Variants in NOL9 observed in about 807,000 individuals in gnomAD.
NOL9 encodes nucleolar protein 9.
Under a neutral mutation model 67.9 loss-of-function variants are expected in NOL9, and 28 were observed. The ratio of observed to expected loss-of-function variants is 0.41; its 90% CI spans 0.31 to 0.57. The LOEUF (loss-of-function observed/expected upper bound fraction) is 0.57, where lower values mean the gene tolerates loss of function less well. NOL9 is among the 20% of genes least tolerant of loss of function. The pLI, the probability that NOL9 is intolerant of heterozygous loss-of-function variation, is 0.25. For synonymous variants in NOL9, 356 were observed against 352.2 expected, an observed-to-expected ratio of 1.01 and a Z score of -0.12; for missense variants, 777 against 897.0, an observed-to-expected ratio of 0.87 and a Z score of 1.71.
chr1:6,550,509 A>G lies in NOL9; in HGVS notation c.503T>C (p.Val168Ala). 1 of 1,614,130 alleles carries G rather than the reference A, an allele frequency of 6.2e-7. No homozygotes were observed. The highest frequency in any genetic ancestry group is 2.2e-5 in the East Asian group (1 of 44,878). Residue 168 changes from valine to alanine, a missense_variant, in exon 2 of 12, where the codon GTG becomes GCG. Physicochemically the swap from Val to Ala is moderately conservative, Grantham distance 64. Around this residue, in one of 2 missense-constraint regions of NOL9, gnomAD observed 364 missense variants for 344.4 expected, o/e 1.06. Transcript: ENST00000377705. The part of the protein sequence containing the change: ...QGQPAQDIFS[V>A]YTHSCLSIHA... ...GATACTCAAGCAAGAGTGGGTATAC[A>G]CAGAGAAGATGTCTTGGGCAGGCTG...
intron 5 of NOL9, among the ~76,000 whole-genome samples, chr1:6,544,543 A>ACC (rs33922236): frequency 0.22 from 4,980 of 23,032 alleles, 220 homozygotes; most frequent in South Asian, 0.34. Flanking sequence ...GCACACACGC[A>ACC]CCCCCCCCCC....
chr1:6,543,897 G>A (rs534161910), intron 5 of NOL9, among the ~76,000 whole-genome samples: 38 of 151,980 alleles, frequency 2.5e-4, no homozygotes, highest in African/African-American at 7.7e-4. Flanking sequence ...AGGCTAAGGC[G>A]GGCAGATAAC....
rs1639613697 is a variant in NOL9 at position 6,554,189 on chromosome 1, G to A, written c.314C>T (p.Ser105Leu). ...PESEPELESA[S>L]SCHRPLLIPP... ...GATGAGGAGAGGCCGGTGGCAACTC[G>A]AGGCGGATTCGAGTTCGGGTTCGGA... Residue 105 changes from serine (S) to leucine (L), a missense_variant, in exon 1 of 12, where the codon TCG (serine) becomes TTG (leucine). Ser to Leu is a moderately radical substitution (Grantham distance 145). Coordinates refer to ENST00000377705, the MANE Select transcript of NOL9 (RefSeq NM_024654.5). The A allele has an allele frequency of 3.3e-6, 5 of 1,522,386 alleles. No homozygotes were observed. The highest frequency in any genetic ancestry group is 2.1e-4 in the Middle Eastern group (1 of 4,740). The allele number at this position is 1,522,386 out of a possible 1,614,324, so 94.3% of individuals were successfully genotyped here.
intron 10 of NOL9, among the ~76,000 whole-genome samples, chr1:6,528,429 C>T (rs1638939405): frequency 6.6e-6 from 1 of 152,206 alleles, no homozygotes; most frequent in Non-Finnish European, 1.5e-5. Context: ...AGAGAGAAGC[C>T]ACCAGACCAT....
rs1638812121 is a variant in NOL9 at position 6,523,337 on chromosome 1, T to A, written c.*2517A>T. On this transcript the variant is annotated 3_prime_UTR_variant, in exon 12 of 12. Coordinates refer to ENST00000377705, the MANE Select transcript of NOL9 (RefSeq NM_024654.5). Reference sequence around the variant, plus strand: ...GCTCATGCCTGTAATCCCAACACTTTGGGAGGCCAAGGCAGGTGGATCACC... The same window carrying A: ...GCTCATGCCTGTAATCCCAACACTTAGGGAGGCCAAGGCAGGTGGATCACC... 1 of 151,976 alleles carries A rather than the reference T, an allele frequency of 6.6e-6. No individual in the cohort carries two copies. Among genetic ancestry groups the A allele is most frequent in the Non-Finnish European group, 1.5e-5 (1 of 68,052 alleles). The allele number at this position is 151,976 out of a possible 1,614,324, so 9.4% of individuals were successfully genotyped here.
intron 3 of NOL9, among the ~76,000 whole-genome samples, chr1:6,546,548 C>T (rs6679649): frequency 0.17 from 26,428 of 152,040 alleles, 2,757 homozygotes; most frequent in African/African-American, 0.29. Context: ...CAGAGGACAA[C>T]TTCTACTTCC....
At position 6,541,919 on chromosome 1, in the gene NOL9, C is replaced by G. The variant is rs1215804213; in HGVS notation, c.986G>C (p.Cys329Ser). The change falls in exon 6 of 12, where the codon TGC becomes TCC. Residue 329 changes from cysteine to serine, a missense_variant. Physicochemically the swap from Cys to Ser is moderately radical, Grantham distance 112 (BLOSUM62 -1). Coordinates refer to ENST00000377705, the MANE Select transcript of NOL9 (RefSeq NM_024654.5). ...CAGATCACATTCCAAATAGTCAACGCAGGGAAGACTGCAAATTTTTAAAAA... is the reference window on the plus strand; with the variant it reads ...CAGATCACATTCCAAATAGTCAACGGAGGGAAGACTGCAAATTTTTAAAAA... Reference protein sequence around the residue: ...LINHLLNSLPCVDYLECDLGQ... With the variant: ...LINHLLNSLPSVDYLECDLGQ... 1.3e-6 allele frequency: 2 copies of G among 1,583,788 alleles called. No homozygotes were observed. The highest frequency in any genetic ancestry group is 1.7e-4 in the Middle Eastern group (1 of 5,946).
Position 6,545,126 on chromosome 1 carries a change from T to G in NOL9, c.799A>C (p.Arg267=). 1.2e-6 allele frequency: 2 copies of G among 1,614,216 alleles called. No homozygotes were observed. The highest frequency in any genetic ancestry group is 1.7e-6 in the Non-Finnish European group (2 of 1,180,020). ...EYLALRSVGI[R]REKKRKGLQL... is the part of the protein sequence containing the mutation. ...AGGCCTTTCCTTTTTTTCTCTCTTCTGATGCCAACAGACCTCAAGGCTAAA... is the reference window on the plus strand; with the variant it reads ...AGGCCTTTCCTTTTTTTCTCTCTTCGGATGCCAACAGACCTCAAGGCTAAA... Residue 267 remains arginine (R), a synonymous_variant, in exon 4 of 12, where the codon AGA becomes CGA. Transcript: ENST00000377705.
At chr1:6,544,777 A>G in intron 5 of NOL9, 49 bp downstream of exon 5, 3 of 1,592,448 alleles carry the variant, frequency 1.9e-6, no homozygotes, top group Admixed American at 1.7e-5. Flanking sequence ...ATCCCACTTC[A>G]TGACAAAAAC....
At chr1:6,545,277 A>G in intron 3 of NOL9, 97 bp from the exon 4 acceptor site, 1 of 1,276,900 alleles carries the variant, frequency 7.8e-7, no homozygotes, top group South Asian at 1.4e-5. Context: ...GCCAGAGAAG[A>G]TAAATTGTTT....
chr1:6,544,544 C>CGCACGCACGCACGCACGCACGCACGCACA (rs61278197), intron 5 of NOL9, among the ~76,000 whole-genome samples: 1 of 118,666 alleles, frequency 8.4e-6, no homozygotes, highest in Non-Finnish European at 1.6e-5. Flanking sequence ...CACACACGCA[C>CGCACGCACGCACGCACGCACGCACGCACA]CCCCCCCCCG....
chr1:6,525,931 T>G lies in NOL9; in HGVS notation c.2032A>C (p.Ile678Leu). ...NFKLPGASEK[I>L]GAREPEEAHK... The stretch of plus-strand genomic sequence containing the variant: ...GCCTCCTCAGGTTCTCTTGCTCCAA[T>G]TTTCTCTGATGCTCCAGGAAGTTTA... Residue 678 changes from isoleucine to leucine, a missense_variant, in exon 12 of 12, where the codon ATT (isoleucine) becomes CTT (leucine). Physicochemically the swap from Ile to Leu is conservative, Grantham distance 5. This residue lies in a region of NOL9 where 413 missense variants were observed against 552.6 expected (regional missense o/e 0.75). Transcript: ENST00000377705. 6.2e-7 allele frequency: 1 copy of G among 1,614,118 alleles called. No homozygotes were observed. Among genetic ancestry groups the G allele is most frequent in the East Asian group, 2.2e-5 (1 of 44,880 alleles).
intron 6 of NOL9, among the ~76,000 whole-genome samples, chr1:6,538,786 C>T (rs929812693): frequency 6.6e-6 from 1 of 152,112 alleles, no homozygotes; most frequent in Non-Finnish European, 1.5e-5. Flanking sequence ...AGTTCGAGAC[C>T]AGCCTGGCCA....
chr1:6,530,053 A>T (rs4908905), intron 9 of NOL9, among the ~76,000 whole-genome samples: 1 of 152,228 alleles, frequency 6.6e-6, no homozygotes, highest in Non-Finnish European at 1.5e-5. Context: ...TTGAACCCAC[A>T]AAGTGGAGAT....
At chr1:6,542,006 G>C (rs901922448) in intron 5 of NOL9, 79 bp from the exon 6 acceptor site, 29 of 837,654 alleles carry the variant, frequency 3.5e-5, no homozygotes, top group Non-Finnish European at 5.0e-5. Flanking sequence ...ACACAGTAAA[G>C]ATTTCATGTG....
At position 6,522,441 on chromosome 1, in the gene NOL9, T is replaced by C. The variant is rs1638790845; in HGVS notation, c.*3413A>G. The C allele has an allele frequency of 1.3e-5, 2 of 151,830 alleles. No individual in the cohort carries two copies. 9.4% of individuals were successfully genotyped at this position (151,830 alleles called of 1,614,324 possible). On this transcript the variant is annotated 3_prime_UTR_variant, in exon 12 of 12. Transcript: ENST00000377705. Reference sequence around the variant, plus strand: ...GGCAGGCGCCTGTAATCCCAGCTACTTGGGAGGCTGAAGCAGGAGAATCGC... The same window carrying C: ...GGCAGGCGCCTGTAATCCCAGCTACCTGGGAGGCTGAAGCAGGAGAATCGC...
chr1:6,547,572 G>A (rs1220735476), intron 3 of NOL9, among the ~76,000 whole-genome samples: 1 of 151,640 alleles, frequency 6.6e-6, no homozygotes, highest in Non-Finnish European at 1.5e-5. Context: ...CAAAAATTTA[G>A]AGGTGAGGCC....
At chr1:6,528,428 C>A (rs973489220) in intron 10 of NOL9, among the ~76,000 whole-genome samples, 5 of 152,278 alleles carry the variant, frequency 3.3e-5, no homozygotes, top group African/African-American at 1.2e-4. Flanking sequence ...AAGAGAGAAG[C>A]CACCAGACCA....
In NOL9 at chr1:6,525,955, TA is replaced by T; in HGVS notation, c.2007del (p.Phe669LeufsTer33). On this transcript the variant is annotated frameshift_variant, in exon 12 of 12. Transcript: ENST00000377705. LOFTEE classifies it low-confidence loss of function (END_TRUNC). ...ATTTTCTCTGATGCTCCAGGAAGTT[TA>T]AAATTGTAATCCGTTGTGACATAAG... ...TVPYVTTDYNFKLPGASEKIG... is the reference protein window; with the variant it reads ...TVPYVTTDYNXKLPGASEKIG... The T allele has an allele frequency of 6.2e-7, 1 of 1,613,930 alleles. No individual in the cohort carries two copies. The highest frequency in any genetic ancestry group is 1.1e-5 in the South Asian group (1 of 91,082).
Sources: allele counts gnomAD v4.1 joint callset (sites outside exome capture counted in the v4.1 genomes callset), GRCh38; gene constraint gnomAD v4.1.1; regional missense constraint gnomAD v4.1.1; transcripts MANE v1.5; gene names NCBI Gene and HGNC (gene_info 2026-07-23, HGNC 2026-07-21).